The following PRKAB2 variants were observed in gnomAD, a reference collection of about 807,000 sequenced individuals.
PRKAB2 encodes protein kinase AMP-activated non-catalytic subunit beta 2.
In PRKAB2, 18 loss-of-function variants were observed where a neutral mutation model predicts 29.8. The ratio of observed to expected loss-of-function variants is 0.60; its 90% confidence interval spans 0.42 to 0.89. The LOEUF is 0.89. Among genes scored for constraint, PRKAB2 ranks in the 40% least tolerant of loss-of-function variants. The pLI is 0.00. For missense variants in PRKAB2, 270 were observed against 344.3 expected (o/e 0.78, Z 1.71); for synonymous variants, 136 against 125.9 (o/e 1.08, Z -0.54).
rs1421138463 is a variant in PRKAB2 at position 147,172,402 on chromosome 1, T to C, written c.-24+27A>G. The C allele has an allele frequency of 1.7e-5, 9 of 541,262 alleles. No individual in the cohort carries two copies. The African/African-American group carries it at 1.8e-4, about 11-fold the overall frequency. 33.5% of individuals were successfully genotyped at this position (541,262 alleles called of 1,614,324 possible). On this transcript the variant is annotated intron_variant, in intron 1 of 7. Coordinates refer to ENST00000254101, the MANE Select transcript of PRKAB2 (RefSeq NM_005399.5). ...ACCTCCCCCGCGTCCCCGCGCTCAC[T>C]GCCAGGGGCGCCCCCACTCCAGTCA...
At chr1:147,170,694 C>T (rs997371394) in intron 2 of PRKAB2, among the ~76,000 whole-genome samples, 7 of 152,138 alleles carry the variant, frequency 4.6e-5, no homozygotes, top group Non-Finnish European at 7.3e-5. Context: ...ATTCTCCTGC[C>T]TCAGCCTCCC....
At chr1:147,171,908 A>G in intron 2 of PRKAB2, 81 bp downstream of exon 2, 1 of 1,531,758 alleles carries the variant, frequency 6.5e-7, no homozygotes. Flanking sequence ...GGCGCGGTAG[A>G]AAAGAACCAA....
intron 2 of PRKAB2, among the ~76,000 whole-genome samples, chr1:147,171,681 C>G (rs1224993258): frequency 6.6e-6 from 1 of 152,128 alleles, no homozygotes; most frequent in Non-Finnish European, 1.5e-5. Flanking sequence ...AATTCAGCAA[C>G]GCTATGGAAG....
At chr1:147,164,642 T>C (rs955476362) in intron 5 of PRKAB2, among the ~76,000 whole-genome samples, 1 of 152,200 alleles carries the variant, frequency 6.6e-6, no homozygotes, top group South Asian at 2.1e-4. Context: ...TTATTGCCTT[T>C]TCACCAGAAA....
At chr1:147,160,058 GA>G in intron 7 of PRKAB2, among the ~76,000 whole-genome samples, 1 of 152,178 alleles carries the variant, frequency 6.6e-6, no homozygotes, top group South Asian at 2.1e-4. Flanking sequence ...TCCATTTCTA[GA>G]AGAAAGTCTT....
intron 5 of PRKAB2, among the ~76,000 whole-genome samples, chr1:147,164,444 T>C (rs1158100220): frequency 6.6e-6 from 1 of 152,194 alleles, no homozygotes; most frequent in Non-Finnish European, 1.5e-5. Flanking sequence ...CTCATAAATA[T>C]GTACAATTGT....
At chr1:147,160,294 G>A (rs1315930660) in intron 7 of PRKAB2, among the ~76,000 whole-genome samples, 1 of 152,040 alleles carries the variant, frequency 6.6e-6, no homozygotes, top group East Asian at 1.9e-4. Flanking sequence ...AACAATATGA[G>A]AGAATCAGGA....
At chr1:147,168,018 GGT>G (rs1654337333) in intron 2 of PRKAB2, 85 bp from the exon 3 acceptor site, 1 of 1,394,698 alleles carries the variant, frequency 7.2e-7, no homozygotes, top group African/African-American at 1.5e-5. Flanking sequence ...GATAGAGAAG[GGT>G]GCTAGGCTTT....
At chr1:147,160,307 G>A (rs1653892657) in intron 7 of PRKAB2, among the ~76,000 whole-genome samples, 1 of 152,110 alleles carries the variant, frequency 6.6e-6, no homozygotes, top group Non-Finnish European at 1.5e-5. Flanking sequence ...AATCAGGAAT[G>A]GGTCAGAACC....
rs1222816850 is a variant in PRKAB2, at chr1:147,155,508, T to C, written c.*4057A>G. 4 of 152,560 alleles carry C rather than the reference T, an allele frequency of 2.6e-5. No individual in the cohort carries two copies. The highest frequency in any genetic ancestry group is 7.2e-5 in the African/African-American group (3 of 41,428). 9.5% of individuals were successfully genotyped at this position (152,560 alleles called of 1,614,324 possible). A position where few individuals can be genotyped will look rare whatever the true frequency, so the allele number is the denominator to read the frequency against. ...TAGGACTAACCAACAACAGTGAGCT[T>C]TGGCTGTCCTAAAACCACAAGCTGG... is the stretch of plus-strand genomic sequence containing the variant. On this transcript the variant is annotated 3_prime_UTR_variant, in exon 8 of 8. Coordinates refer to ENST00000254101, the MANE Select transcript of PRKAB2 (RefSeq NM_005399.5).
Position 147,156,710 on chromosome 1 carries a change from A to G in PRKAB2, c.*2855T>C, listed in dbSNP as rs1653692515. 6.6e-6 allele frequency: 1 copy of G among 152,158 alleles called. No individual in the cohort carries two copies. The highest frequency in any genetic ancestry group is 2.4e-5 in the African/African-American group (1 of 41,448). 9.4% of individuals were successfully genotyped at this position (152,158 alleles called of 1,614,324 possible). A position where few individuals can be genotyped will look rare whatever the true frequency, so the allele number is the denominator to read the frequency against. ...CATGGCTAACGTATGTGTTTTAGGT[A>G]ATGTCTGACACTCTGGTAAAGTCTG... On this transcript the variant is annotated 3_prime_UTR_variant, in exon 8 of 8. Coordinates refer to ENST00000254101, the MANE Select transcript of PRKAB2 (RefSeq NM_005399.5).
At position 147,155,164 on chromosome 1, in the gene PRKAB2, A is replaced by G. The variant is rs1653612378; in HGVS notation, c.*4401T>C. 6.6e-6 allele frequency: 1 copy of G among 152,520 alleles called. No homozygotes were observed. Among genetic ancestry groups the G allele is most frequent in the African/African-American group, 2.4e-5 (1 of 41,412 alleles). The allele number at this position is 152,520 out of a possible 1,614,324, so 9.4% of individuals were successfully genotyped here. Reference sequence around the variant, plus strand: ...TGGAAAAAACCCACAACATTTCTGTATGTATCATATCATATAATTTCCAGG... The same window carrying G: ...TGGAAAAAACCCACAACATTTCTGTGTGTATCATATCATATAATTTCCAGG... On this transcript the variant is annotated 3_prime_UTR_variant, in exon 8 of 8. Transcript: ENST00000254101.
intron 2 of PRKAB2, among the ~76,000 whole-genome samples, chr1:147,170,600 T>C (rs925972206): frequency 1.3e-5 from 2 of 151,932 alleles, no homozygotes; most frequent in East Asian, 3.9e-4. Context: ...TTTTTGTTTT[T>C]TTGTTTTGAG....
At chr1:147,161,873 GAGAAATTTAAAC>G (rs1422249315) in intron 6 of PRKAB2, 93 bp from the exon 7 acceptor site, 2 of 1,035,464 alleles carry the variant, frequency 1.9e-6, no homozygotes, top group African/African-American at 1.6e-5. Context: ...AGAGCTCTTT[GAGAAATTTAAAC>G]TAGAATGCGC....
At chr1:147,170,143 A>C (rs1441010731) in intron 2 of PRKAB2, among the ~76,000 whole-genome samples, 1 of 152,230 alleles carries the variant, frequency 6.6e-6, no homozygotes, top group Non-Finnish European at 1.5e-5. Flanking sequence ...TTTGATGTTT[A>C]AGTAAAATGT....
intron 3 of PRKAB2, 109 bp from the exon 4 acceptor site, chr1:147,167,048 G>A: frequency 1.1e-6 from 1 of 889,456 alleles, no homozygotes; most frequent in Middle Eastern, 2.2e-4. Context: ...AGATTCCTAA[G>A]CCATTGTATC....
chr1:147,162,528 G>A lies in PRKAB2; in HGVS notation c.584C>T (p.Ala195Val), dbSNP rs587771645. 49 of 1,611,828 alleles carry A rather than the reference G, an allele frequency of 3.0e-5. No homozygotes were observed. The highest frequency in any genetic ancestry group is 2.7e-4 in the African/African-American group (20 of 74,932). Reference sequence around the variant, plus strand: ...TTTGAATCTTTCCTCAGATCGAAACGCATACATTTCTTGACCATAAGGCCC... The same window carrying A: ...TTTGAATCTTTCCTCAGATCGAAACACATACATTTCTTGACCATAAGGCCC... The part of the protein sequence containing the change: ...PPGPYGQEMY[A>V]FRSEERFKSP... Residue 195 changes from alanine to valine, a missense_variant, in exon 6 of 8, where the codon GCG (alanine) becomes GTG (valine). Coordinates refer to ENST00000254101, the MANE Select transcript of PRKAB2 (RefSeq NM_005399.5).
rs1553913889 is a variant in PRKAB2, at chr1:147,167,954, T to G, written c.157-21A>C. ...GGGAGCTGTAAGAAGGAGTAGGTCA[T>G]CCCTAGAATAAACTGTGACCCAAGA... is the stretch of plus-strand genomic sequence containing the variant. On this transcript the variant is annotated intron_variant, in intron 2 of 7. Transcript: ENST00000254101. 3 of 1,599,494 alleles carry G rather than the reference T, an allele frequency of 1.9e-6. No individual in the cohort carries two copies. In the African/African-American group the frequency reaches 4.0e-5, roughly 22 times the overall value.
intron 2 of PRKAB2, among the ~76,000 whole-genome samples, chr1:147,169,761 A>C (rs1478070330): frequency 6.6e-6 from 1 of 152,218 alleles, no homozygotes; most frequent in Non-Finnish European, 1.5e-5. Context: ...TATAGATGTC[A>C]TTATACTGTT....
Sources: gnomAD v4.1 joint callset for allele counts (sites outside exome capture counted in the v4.1 genomes callset) on GRCh38, gnomAD v4.1.1 for gene constraint, MANE v1.5 for transcripts, NCBI Gene and HGNC (gene_info 2026-07-23, HGNC 2026-07-21) for gene names.